SRGAP1: variants seen among roughly 807,000 people sequenced by gnomAD.
SRGAP1 encodes the protein SLIT-ROBO Rho GTPase-activating protein 1.
A neutral mutation model predicts 121.9 loss-of-function variants in SRGAP1; 43 were observed. That is an observed-to-expected ratio of 0.35 (90% confidence interval 0.28 to 0.46). SRGAP1 has a LOEUF of 0.46. Ranked by LOEUF, SRGAP1 falls within the 20% of genes least tolerant of loss-of-function variation. SRGAP1 has a pLI of 1.00. For synonymous variants in SRGAP1, 447 were observed against 485.4 expected (o/e 0.92, Z 1.04); for missense variants, 1,102 against 1,350.9 (o/e 0.82, Z 2.89).
At chr12:64,079,178 T>G in intron 9 of SRGAP1, 62 bp downstream of exon 9, 1 of 1,579,024 alleles carries the variant, frequency 6.3e-7, no homozygotes, top group South Asian at 1.1e-5. Context: ...CAAGTGCCAC[T>G]TCTATAGTCA....
At chr12:64,119,770 C>CTTTTTTTTT (rs997729181) in intron 18 of SRGAP1, among the ~76,000 whole-genome samples, 4 of 107,450 alleles carry the variant, frequency 3.7e-5, no homozygotes, top group South Asian at 3.3e-4. Flanking sequence ...TTATTTGTTT[C>CTTTTTTTTT]TTTTTTTTTT....
chr12:64,005,146 A>G (rs1471380385), intron 3 of SRGAP1, among the ~76,000 whole-genome samples: 1 of 152,228 alleles, frequency 6.6e-6, no homozygotes, highest in Non-Finnish European at 1.5e-5. Context: ...TTTGCCAACT[A>G]AATACTTTGT....
intron 1 of SRGAP1, among the ~76,000 whole-genome samples, chr12:63,967,194 A>G (rs1193994188): frequency 6.6e-6 from 1 of 152,032 alleles, no homozygotes; most frequent in Non-Finnish European, 1.5e-5. Context: ...TAATTCCCCC[A>G]CCTTGCGGGG....
chr12:64,142,177 A>T, intron 21 of SRGAP1, 118 bp from the exon 22 acceptor site: 2 of 976,804 alleles, frequency 2.0e-6, no homozygotes, highest in Non-Finnish European at 3.0e-6. Flanking sequence ...CAGACTATGG[A>T]GTCAAAGATA....
chr12:63,874,975 G>T (rs117498138), intron 1 of SRGAP1, among the ~76,000 whole-genome samples: 217 of 152,254 alleles, frequency 1.4e-3, no homozygotes, highest in Non-Finnish European at 2.5e-3. Flanking sequence ...GAGTGCAGTT[G>T]CATGATCATA....
At chr12:64,138,305 T>C (rs2036891887) in intron 21 of SRGAP1, among the ~76,000 whole-genome samples, 1 of 152,162 alleles carries the variant, frequency 6.6e-6, no homozygotes, top group African/African-American at 2.4e-5. Flanking sequence ...CTTATTTCCC[T>C]TTAAGGGAAG....
At chr12:64,072,583 A>G (rs944054414) in intron 8 of SRGAP1, among the ~76,000 whole-genome samples, 1 of 152,086 alleles carries the variant, frequency 6.6e-6, no homozygotes, top group Non-Finnish European at 1.5e-5. Flanking sequence ...ATATGAAGAG[A>G]CATAGGGAGA....
chr12:63,990,489 G>A (rs1042477654), intron 3 of SRGAP1, among the ~76,000 whole-genome samples: 16 of 152,140 alleles, frequency 1.1e-4, no homozygotes, highest in Non-Finnish European at 2.2e-4. Flanking sequence ...CCAAGATCGT[G>A]CCACTGCACT....
At chr12:64,003,856 C>T (rs762514415) in intron 3 of SRGAP1, among the ~76,000 whole-genome samples, 7 of 152,034 alleles carry the variant, frequency 4.6e-5, no homozygotes, top group African/African-American at 1.4e-4. Context: ...TCAAGAAGCT[C>T]GGCAAAACCA....
intron 3 of SRGAP1, among the ~76,000 whole-genome samples, chr12:64,013,309 C>T (rs2034304507): frequency 6.6e-6 from 1 of 152,152 alleles, no homozygotes; most frequent in Admixed American, 6.5e-5. Context: ...ACCATGTCCC[C>T]AGGATTCAGA....
At chr12:64,067,748 T>G (rs930738187) in intron 8 of SRGAP1, among the ~76,000 whole-genome samples, 2 of 152,162 alleles carry the variant, frequency 1.3e-5, no homozygotes, top group Non-Finnish European at 2.9e-5. Context: ...GGGGATGAAC[T>G]GATGGAGAAG....
At chr12:63,847,906 T>A (rs892232824) in intron 1 of SRGAP1, among the ~76,000 whole-genome samples, 34 of 152,122 alleles carry the variant, frequency 2.2e-4, no homozygotes, top group African/African-American at 7.9e-4. Flanking sequence ...TCTCCCATTT[T>A]CCCTAATAAC....
chr12:63,943,266 G>A (rs1171127469), intron 1 of SRGAP1, among the ~76,000 whole-genome samples: 2 of 152,108 alleles, frequency 1.3e-5, no homozygotes, highest in Non-Finnish European at 2.9e-5. Context: ...TATGTGCAAG[G>A]CCCTGTGCCA....
chr12:64,014,823 T>C (rs527343948), intron 3 of SRGAP1, among the ~76,000 whole-genome samples: 2 of 152,098 alleles, frequency 1.3e-5, no homozygotes, highest in Non-Finnish European at 2.9e-5. Flanking sequence ...TCTTCTTTTC[T>C]TTTTCTTTTT....
intron 3 of SRGAP1, among the ~76,000 whole-genome samples, chr12:64,008,654 G>C (rs2034159775): frequency 6.6e-6 from 1 of 152,104 alleles, no homozygotes. Context: ...TTCTCTCCTA[G>C]ACTGTAAGGC....
At chr12:63,921,079 G>A (rs2031023149) in intron 1 of SRGAP1, among the ~76,000 whole-genome samples, 1 of 152,130 alleles carries the variant, frequency 6.6e-6, no homozygotes, top group East Asian at 1.9e-4. Flanking sequence ...GGTTCGACAA[G>A]CCAGAAATCT....
rs1454428809 is a variant in SRGAP1 at position 64,161,467 on chromosome 12, C to G, written c.*18795C>G. 2.6e-5 allele frequency: 4 copies of G among 152,132 alleles called. No individual in the cohort carries two copies. The highest frequency in any genetic ancestry group is 5.9e-5 in the Non-Finnish European group (4 of 68,036). 9.4% of individuals were successfully genotyped at this position (152,132 alleles called of 1,614,324 possible). On this transcript the variant is annotated 3_prime_UTR_variant, in exon 22 of 22. Coordinates refer to ENST00000355086, the MANE Select transcript of SRGAP1 (RefSeq NM_020762.4). The stretch of plus-strand genomic sequence containing the variant: ...TTCTGTTAAGTACTTTATTTCTGCT[C>G]TCATGCTTTTAATTTCCAAAAGCTC...
At chr12:64,036,506 G>A (rs995619918) in intron 4 of SRGAP1, among the ~76,000 whole-genome samples, 2 of 152,158 alleles carry the variant, frequency 1.3e-5, no homozygotes, top group South Asian at 4.1e-4. Context: ...AGAGCTTTTA[G>A]TGATTAATGG....
At chr12:63,925,403 A>G (rs2031221107) in intron 1 of SRGAP1, among the ~76,000 whole-genome samples, 1 of 152,208 alleles carries the variant, frequency 6.6e-6, no homozygotes, top group South Asian at 2.1e-4. Flanking sequence ...ATTTGAGGAA[A>G]ATTGTTAATA....
Sources: gnomAD v4.1 joint callset for allele counts (sites outside exome capture counted in the v4.1 genomes callset) on GRCh38, gnomAD v4.1.1 for gene constraint, MANE v1.5 for transcripts, NCBI Gene and HGNC (gene_info 2026-07-23, HGNC 2026-07-21) for gene names.